Variants in ZBED4 observed in about 807,000 individuals in gnomAD.
ZBED4 encodes zinc finger BED-type containing 4.
In ZBED4, 4 loss-of-function variants were observed where a neutral mutation model predicts 15.5. The ratio of observed to expected loss-of-function variants is 0.26; its 90% CI spans 0.13 to 0.59. The LOEUF (loss-of-function observed/expected upper bound fraction) is 0.59, where lower values mean the gene tolerates loss of function less well. Ranked by LOEUF, ZBED4 falls within the 20% of genes least tolerant of loss-of-function variation. The probability of loss-of-function intolerance (pLI) is 0.90; values close to 1 mark genes in which losing one functional copy is unlikely to be tolerated. For missense variants in ZBED4, 1,323 were observed against 1,461.8 expected (o/e 0.91, Z 1.55); for synonymous variants, 692 against 608.5 (o/e 1.14, Z -2.02).
intron 1 of ZBED4, among the ~76,000 whole-genome samples, chr22:49,881,540 GC>G (rs2060409817): frequency 6.6e-6 from 1 of 152,034 alleles, no homozygotes; most frequent in Non-Finnish European, 1.5e-5. Context: ...ACGCACCACC[GC>G]ACCTGGCTAA....
At chr22:49,871,000 G>A (rs914138038) in intron 1 of ZBED4, among the ~76,000 whole-genome samples, 13 of 149,892 alleles carry the variant, frequency 8.7e-5, no homozygotes, top group African/African-American at 3.2e-4. Context: ...GAGTGCAGTG[G>A]TGCAATCTTG....
At chr22:49,860,767 C>T (rs1452105133) in intron 1 of ZBED4, among the ~76,000 whole-genome samples, 1 of 149,964 alleles carries the variant, frequency 6.7e-6, no homozygotes, top group African/African-American at 2.5e-5. Context: ...CCCCACCACT[C>T]TTCTAAGCAA....
intron 1 of ZBED4, among the ~76,000 whole-genome samples, chr22:49,866,350 G>A (rs2060322463): frequency 6.6e-6 from 1 of 151,778 alleles, no homozygotes; most frequent in Non-Finnish European, 1.5e-5. Context: ...CTTTTAAATT[G>A]GTCCGTTTCT....
chr22:49,865,807 A>G (rs959957732), intron 1 of ZBED4, among the ~76,000 whole-genome samples: 1 of 151,388 alleles, frequency 6.6e-6, no homozygotes, highest in Non-Finnish European at 1.5e-5. Context: ...GTTTTTCTGC[A>G]TTCATTGTGC....
In ZBED4 at chr22:49,883,875, G is replaced by T. The variant is rs55748279; in HGVS notation, c.213G>T (p.Pro71=). 0.017 allele frequency: 27,181 copies of T among 1,606,556 alleles called. 761 individuals carry two copies. Among genetic ancestry groups the T allele is most frequent in the African/African-American group, 0.12 (9,228 of 74,768 alleles). ...LGGTGCSCKP[P]GKYLSAESED... ...GGACGGGTTGCAGCTGCAAGCCCCCGGGGAAGTACTTGTCTGCAGAGAGTG... is the reference window on the plus strand; with the variant it reads ...GGACGGGTTGCAGCTGCAAGCCCCCTGGGAAGTACTTGTCTGCAGAGAGTG... Residue 71 remains proline (P), a synonymous_variant, in exon 2 of 2, where the codon CCG becomes CCT. Transcript: ENST00000216268.
chr22:49,854,635 C>T (rs2060267087), intron 1 of ZBED4, among the ~76,000 whole-genome samples: 1 of 152,174 alleles, frequency 6.6e-6, no homozygotes, highest in African/African-American at 2.4e-5. Context: ...TTCTTTTGTC[C>T]CGTTGTGTGG....
rs764054268 is a variant in ZBED4 at position 49,885,207 on chromosome 22, C to T, written c.1545C>T (p.Phe515=). ...AAGTTGTCGGGAGCCAGAAGGGCTT[C>T]CTGGGTGCAAGTCTGGCAAACTCTC... is the stretch of plus-strand genomic sequence containing the variant. ...HPEVVGSQKG[F]LGASLANSPY... Residue 515 remains phenylalanine, a synonymous_variant, in exon 2 of 2, where the codon TTC becomes TTT. Coordinates refer to ENST00000216268, the MANE Select transcript of ZBED4 (RefSeq NM_014838.3). 1.9e-6 allele frequency: 3 copies of T among 1,613,682 alleles called. No homozygotes were observed. Among genetic ancestry groups the T allele is most frequent in the South Asian group, 1.1e-5 (1 of 91,056 alleles).
Position 49,884,262 on chromosome 22 carries a change from C to T in ZBED4, c.600C>T (p.Ser200=). 1 of 1,609,730 alleles carries T rather than the reference C, an allele frequency of 6.2e-7. No individual in the cohort carries two copies. Among genetic ancestry groups the T allele is most frequent in the South Asian group, 1.1e-5 (1 of 90,236 alleles). The change falls in exon 2 of 2, where the codon AGC becomes AGT. Residue 200 remains serine, a synonymous_variant. Coordinates refer to ENST00000216268, the MANE Select transcript of ZBED4 (RefSeq NM_014838.3). ...PPQPADAGDL[S]TILSPIKLVQ... Reference sequence around the variant, plus strand: ...AGCCTGCGGACGCGGGTGACCTCAGCACCATCCTCTCACCCATCAAACTTG... The same window carrying T: ...AGCCTGCGGACGCGGGTGACCTCAGTACCATCCTCTCACCCATCAAACTTG...
chr22:49,865,266 T>C (rs13056374), intron 1 of ZBED4, among the ~76,000 whole-genome samples: 139,808 of 152,032 alleles, frequency 0.92, 64,361 homozygotes, highest in African/African-American at 0.98. Flanking sequence ...AGTAAACAGA[T>C]GGTGTCGTTA....
At position 49,887,450 on chromosome 22, in the gene ZBED4, GTT is replaced by G; in HGVS notation, c.*277_*278del. ...CTAGATTTTAATTCATAACCGTAAAGTTTTTTAAAGTTTTGGGTTAGTAATTT... is the reference window on the plus strand; with the variant it reads ...CTAGATTTTAATTCATAACCGTAAAGTTTTAAAGTTTTGGGTTAGTAATTT... On this transcript the variant is annotated 3_prime_UTR_variant, in exon 2 of 2. Transcript: ENST00000216268. 6.3e-6 allele frequency: 2 copies of G among 318,342 alleles called. No homozygotes were observed. The highest frequency in any genetic ancestry group is 6.1e-6 in the Non-Finnish European group (1 of 163,766). The allele number at this position is 318,342 out of a possible 1,614,324, so 19.7% of individuals were successfully genotyped here. A position where few individuals can be genotyped will look rare whatever the true frequency, so the allele number is the denominator to read the frequency against.
chr22:49,856,998 G>A (rs1380974828), intron 1 of ZBED4, among the ~76,000 whole-genome samples: 1 of 152,234 alleles, frequency 6.6e-6, no homozygotes, highest in Non-Finnish European at 1.5e-5. Context: ...ATGGGGTTGT[G>A]ACTGCTGCAG....
At position 49,887,257 on chromosome 22, in the gene ZBED4, G is replaced by A. The variant is rs890284988; in HGVS notation, c.*79G>A. 6 of 1,454,060 alleles carry A rather than the reference G, an allele frequency of 4.1e-6. No individual in the cohort carries two copies. Among genetic ancestry groups the A allele is most frequent in the Non-Finnish European group, 5.6e-6 (6 of 1,072,032 alleles). The allele number at this position is 1,454,060 out of a possible 1,614,324, so 90.1% of individuals were successfully genotyped here. On this transcript the variant is annotated 3_prime_UTR_variant, in exon 2 of 2. Transcript: ENST00000216268. ...CTGTACCAGGTCTATGACCCGCTCT[G>A]CCCACGGCTGTGTACGACATCAGAC...
rs920472589 is a variant in ZBED4 at position 49,868,451 on chromosome 22, C to T, written c.-330+14462C>T. ...AAAAAATTAACTGGGTGGTGGCACA[C>T]ACCTGTCATCCCAGCTACTGAGGAG... On this transcript the variant is annotated intron_variant, in intron 1 of 1. Transcript: ENST00000216268. Among the ~76,000 whole-genome samples, 4 of 152,118 alleles carry T rather than the reference C, an allele frequency of 2.6e-5. No individual in the cohort carries two copies. In the East Asian group the frequency reaches 7.7e-4, roughly 29 times the overall value.
intron 1 of ZBED4, among the ~76,000 whole-genome samples, chr22:49,860,942 C>G (rs2060294567): frequency 6.6e-6 from 1 of 151,462 alleles, no homozygotes; most frequent in Non-Finnish European, 1.5e-5. Flanking sequence ...CCACGCCCAG[C>G]TAATTTTTTG....
chr22:49,883,426 T>A lies in ZBED4; in HGVS notation c.-237T>A. 1 of 447,642 alleles carries A rather than the reference T, an allele frequency of 2.2e-6. No homozygotes were observed. The highest frequency in any genetic ancestry group is 3.8e-6 in the Non-Finnish European group (1 of 263,012). 27.7% of individuals were successfully genotyped at this position (447,642 alleles called of 1,614,324 possible). A position where few individuals can be genotyped will look rare whatever the true frequency, so the allele number is the denominator to read the frequency against. On this transcript the variant is annotated 5_prime_UTR_variant, in exon 2 of 2. The change creates a premature stop within an existing upstream ORF in the 5' untranslated region. Coordinates refer to ENST00000216268, the MANE Select transcript of ZBED4 (RefSeq NM_014838.3). ...CACGTCTCTGCTGCACACATTGTTGTCTACACCATGAGTGTTTAGTAGCAG... is the reference window on the plus strand; with the variant it reads ...CACGTCTCTGCTGCACACATTGTTGACTACACCATGAGTGTTTAGTAGCAG...
chr22:49,862,737 T>C (rs1464394795), intron 1 of ZBED4, among the ~76,000 whole-genome samples: 1 of 145,006 alleles, frequency 6.9e-6, no homozygotes, highest in Admixed American at 7.1e-5. Flanking sequence ...AGTCTTGCTC[T>C]GTCGCCCAGG....
Position 49,883,881 on chromosome 22 carries a change from G to T in ZBED4, c.219G>T (p.Lys73Asn). Residue 73 changes from lysine to asparagine, a missense_variant, in exon 2 of 2, where the codon AAG (lysine) becomes AAT (asparagine). Physicochemically the swap from Lys to Asn is moderately conservative, Grantham distance 94. Transcript: ENST00000216268. ...GTTGCAGCTGCAAGCCCCCGGGGAAGTACTTGTCTGCAGAGAGTGAGGATG... is the reference window on the plus strand; with the variant it reads ...GTTGCAGCTGCAAGCCCCCGGGGAATTACTTGTCTGCAGAGAGTGAGGATG... The part of the protein sequence containing the change: ...GTGCSCKPPG[K>N]YLSAESEDDY... The T allele has an allele frequency of 6.2e-7, 1 of 1,607,030 alleles. No individual in the cohort carries two copies. The highest frequency in any genetic ancestry group is 8.5e-7 in the Non-Finnish European group (1 of 1,174,648).
chr22:49,886,794 T>A lies in ZBED4; in HGVS notation c.3132T>A (p.Ala1044=), dbSNP rs1365640273. 6.2e-7 allele frequency: 1 copy of A among 1,612,902 alleles called. No individual in the cohort carries two copies. Among genetic ancestry groups the A allele is most frequent in the Non-Finnish European group, 8.5e-7 (1 of 1,179,462 alleles). ...ELMNSTSEDV[A]ASHRCDAGSP... Reference sequence around the variant, plus strand: ...TGAATTCTACCTCAGAGGACGTGGCTGCCTCCCACAGGTGTGATGCTGGCT... The same window carrying A: ...TGAATTCTACCTCAGAGGACGTGGCAGCCTCCCACAGGTGTGATGCTGGCT... The change falls in exon 2 of 2, where the codon GCT becomes GCA. Residue 1044 remains alanine (A), a synonymous_variant. Coordinates refer to ENST00000216268, the MANE Select transcript of ZBED4 (RefSeq NM_014838.3). The surrounding 1 kb of genome is among the most constrained non-coding windows in gnomAD (Gnocchi z 7.7).
chr22:49,864,938 C>A (rs1410441395), intron 1 of ZBED4, among the ~76,000 whole-genome samples: 1 of 7,392 alleles, frequency 1.4e-4, no homozygotes, highest in Admixed American at 1.2e-3. Context: ...TCCCAGCAAG[C>A]CCCCCCCCCC....
Sources: allele counts gnomAD v4.1 joint callset (sites outside exome capture counted in the v4.1 genomes callset), GRCh38; gene constraint gnomAD v4.1.1; non-coding constraint Gnocchi (gnomAD v3.1); transcripts MANE v1.5; gene names NCBI Gene and HGNC (gene_info 2026-07-23, HGNC 2026-07-21).